The following NCAM1 variants were observed in gnomAD, a reference collection of about 807,000 sequenced individuals.
The protein encoded by NCAM1 is antigen recognized by monoclonal antibody 5.1H11.
Under a neutral mutation model 109.8 loss-of-function variants are expected in NCAM1, and 14 were observed. The ratio of observed to expected loss-of-function variants is 0.13; its 90% CI spans 0.08 to 0.20. NCAM1 has a LOEUF of 0.20. Ranked by LOEUF, NCAM1 falls within the 10% of genes least tolerant of loss-of-function variation. NCAM1 has a pLI of 1.00. For missense variants in NCAM1, 774 were observed against 1,109.9 expected (o/e 0.70, Z 4.30); for synonymous variants, 418 against 442.9 (o/e 0.94, Z 0.70).
At chr11:113,262,917 C>T (rs1565537195) in intron 17 of NCAM1, 2 of 1,613,724 alleles carry the variant, frequency 1.2e-6, no homozygotes, top group East Asian at 2.2e-5. Context: ...TCTTCTTTTG[C>T]TCTGTTAGGA....
intron 1 of NCAM1, among the ~76,000 whole-genome samples, chr11:113,080,470 T>C (rs1273625902): frequency 6.7e-6 from 1 of 149,126 alleles, no homozygotes; most frequent in Non-Finnish European, 1.5e-5. Context: ...TTTTTCTTTT[T>C]TTTTTTTTCT....
At chr11:113,186,325 A>C (rs4648326) in intron 1 of NCAM1, among the ~76,000 whole-genome samples, 161 of 152,152 alleles carry the variant, frequency 1.1e-3, no homozygotes, top group African/African-American at 3.8e-3. Flanking sequence ...CTGCTTATGA[A>C]AATCTAATGC....
intron 9 of NCAM1, among the ~76,000 whole-genome samples, chr11:113,224,319 G>A (rs76775992): frequency 2.2e-4 from 33 of 152,206 alleles, no homozygotes; most frequent in Non-Finnish European, 3.8e-4. Flanking sequence ...CTACGCCCAC[G>A]GAGCCTCGCT....
intron 1 of NCAM1, among the ~76,000 whole-genome samples, chr11:113,190,563 A>C (rs561281841): frequency 1.3e-5 from 2 of 152,194 alleles, no homozygotes; most frequent in Non-Finnish European, 2.9e-5. Flanking sequence ...AGCCATGGTC[A>C]TGATGACGTG....
chr11:113,034,928 A>G (rs1952822790), intron 1 of NCAM1, among the ~76,000 whole-genome samples: 1 of 152,220 alleles, frequency 6.6e-6, no homozygotes. Flanking sequence ...ATTATCATAA[A>G]GTAGTCTGGA....
intron 16 of NCAM1, among the ~76,000 whole-genome samples, chr11:113,258,384 T>A (rs1945884642): frequency 6.6e-6 from 1 of 152,182 alleles, no homozygotes; most frequent in African/African-American, 2.4e-5. Flanking sequence ...AGTCCCGAGG[T>A]ACCTCCATCT....
At chr11:113,153,044 T>TC in intron 1 of NCAM1, among the ~76,000 whole-genome samples, 1 of 122,592 alleles carries the variant, frequency 8.2e-6, no homozygotes, top group South Asian at 3.0e-4. Context: ...GCAATGTCTA[T>TC]AATTTTTTTT....
intron 12 of NCAM1, 60 bp downstream of exon 12, chr11:113,232,874 C>T: frequency 7.0e-7 from 1 of 1,427,540 alleles, no homozygotes; most frequent in Non-Finnish European, 9.9e-7. Flanking sequence ...ACCCTGCCAG[C>T]CCAATTTGTG....
intron 1 of NCAM1, among the ~76,000 whole-genome samples, chr11:113,108,457 G>A (rs1940270343): frequency 2.0e-5 from 3 of 152,166 alleles, no homozygotes; most frequent in Admixed American, 2.0e-4. Flanking sequence ...TAGAGAGGAA[G>A]ATACCTCTCC....
chr11:112,965,139 C>T (rs1555064997), intron 1 of NCAM1, among the ~76,000 whole-genome samples: 1 of 151,796 alleles, frequency 6.6e-6, no homozygotes, highest in African/African-American at 2.4e-5. Context: ...AAAGGAGTTT[C>T]CTCTAAGTCT....
chr11:113,277,127 T>C lies in NCAM1; in HGVS notation c.*1740T>C. 1 of 389,892 alleles carries C rather than the reference T, an allele frequency of 2.6e-6. No individual in the cohort carries two copies. Among genetic ancestry groups the C allele is most frequent in the Non-Finnish European group, 4.5e-6 (1 of 220,996 alleles). 24.2% of individuals were successfully genotyped at this position (389,892 alleles called of 1,614,324 possible). ...TGATGATGATGAAGATGATGCTAAGTAAACAGAAATCAGTACTCCGCATGC... is the reference window on the plus strand; with the variant it reads ...TGATGATGATGAAGATGATGCTAAGCAAACAGAAATCAGTACTCCGCATGC... On this transcript the variant is annotated 3_prime_UTR_variant, in exon 20 of 20. Transcript: ENST00000316851.
intron 15 of NCAM1, among the ~76,000 whole-genome samples, chr11:113,249,903 T>G (rs1233632150): frequency 6.6e-6 from 1 of 152,164 alleles, no homozygotes; most frequent in Non-Finnish European, 1.5e-5. Context: ...CTCAGGAAAC[T>G]GGTGCTGGAA....
At chr11:113,217,979 A>C (rs1469543232) in intron 8 of NCAM1, among the ~76,000 whole-genome samples, 2 of 152,220 alleles carry the variant, frequency 1.3e-5, no homozygotes, top group African/African-American at 4.8e-5. Flanking sequence ...GTTTGAGTCC[A>C]TCTTTCTAAC....
At chr11:113,212,076 G>A (rs1374361424) in intron 7 of NCAM1, among the ~76,000 whole-genome samples, 1 of 152,186 alleles carries the variant, frequency 6.6e-6, no homozygotes, top group Non-Finnish European at 1.5e-5. Flanking sequence ...CTTTTCAGTA[G>A]GGTGACCCAG....
intron 3 of NCAM1, 30 bp downstream of exon 3, chr11:113,204,534 C>G: frequency 1.2e-6 from 2 of 1,603,622 alleles, no homozygotes; most frequent in African/African-American, 1.3e-5. Flanking sequence ...TCTGCATTCT[C>G]TGGCCTCTCC....
rs150217458 is a variant in NCAM1, at chr11:113,008,695, G to A, written c.52+47031G>A. The stretch of plus-strand genomic sequence containing the variant: ...TGAAACTAAAATCATATCATCTGGA[G>A]GTTACTCATCTCTCGATTTCTGTAG... On this transcript the variant is annotated intron_variant, in intron 1 of 19. Transcript: ENST00000316851. Among the ~76,000 whole-genome samples, 205 of 152,236 alleles carry A rather than the reference G, an allele frequency of 1.3e-3. 2 individuals are homozygous for A. Among genetic ancestry groups the A allele is most frequent in the African/African-American group, 4.8e-3 (199 of 41,540 alleles).
intron 1 of NCAM1, among the ~76,000 whole-genome samples, chr11:113,030,588 A>G (rs576203023): frequency 2.0e-5 from 3 of 152,290 alleles, no homozygotes; most frequent in Admixed American, 2.0e-4. Flanking sequence ...TCACTGGAAA[A>G]CAAGAAGGGT....
chr11:113,183,170 G>T (rs1467403099), intron 1 of NCAM1, among the ~76,000 whole-genome samples: 2 of 152,050 alleles, frequency 1.3e-5, no homozygotes, highest in Non-Finnish European at 2.9e-5. Flanking sequence ...CAAAACCCCT[G>T]GTTTTCTGGT....
At chr11:113,029,926 G>A (rs1411462450) in intron 1 of NCAM1, among the ~76,000 whole-genome samples, 1 of 152,192 alleles carries the variant, frequency 6.6e-6, no homozygotes, top group African/African-American at 2.4e-5. Flanking sequence ...GGTGGAAAAA[G>A]TGTAGGCTGG....
Sources: allele counts gnomAD v4.1 joint callset (sites outside exome capture counted in the v4.1 genomes callset), GRCh38; gene constraint gnomAD v4.1.1; transcripts MANE v1.5; gene names NCBI Gene and HGNC (gene_info 2026-07-23, HGNC 2026-07-21).